Variants in NBAS observed in about 807,000 individuals in gnomAD.
The protein encoded by NBAS is NAG/BC035112 fusion.
A neutral mutation model predicts 302.5 loss-of-function variants in NBAS; 219 were observed. The ratio of observed to expected loss-of-function variants is 0.72; its 90% CI spans 0.65 to 0.81. The LOEUF (loss-of-function observed/expected upper bound fraction) is 0.81. NBAS is among the 30% of genes least tolerant of loss of function. The pLI is 0.00. For synonymous variants in NBAS, 1,118 were observed against 1,021.6 expected (o/e 1.09, Z -1.80); for missense variants, 2,932 against 2,841.6 (o/e 1.03, Z -0.72).
chr2:14,811,667 G>A, the NBAS span, among the ~76,000 whole-genome samples: 1 of 152,016 alleles, frequency 6.6e-6, no homozygotes, highest in Non-Finnish European at 1.5e-5. Flanking sequence ...TAAAATATAT[G>A]GGAAAAATGA....
the NBAS span, among the ~76,000 whole-genome samples, chr2:14,982,965 A>G: frequency 6.6e-6 from 1 of 152,178 alleles, no homozygotes; most frequent in Non-Finnish European, 1.5e-5. Flanking sequence ...CTGTGGAAAG[A>G]GGAACCAGGT....
At chr2:14,869,427 G>A in the NBAS span, among the ~76,000 whole-genome samples, 1 of 152,128 alleles carries the variant, frequency 6.6e-6, no homozygotes, top group Non-Finnish European at 1.5e-5. Flanking sequence ...TACTCATCGT[G>A]GTACCGGATT....
the NBAS span, among the ~76,000 whole-genome samples, chr2:14,814,767 T>G: frequency 6.6e-6 from 1 of 152,250 alleles, no homozygotes; most frequent in Admixed American, 6.5e-5. Context: ...ATGTGAGCAG[T>G]ACATGAAATT....
At chr2:15,076,293 A>C in the NBAS span, among the ~76,000 whole-genome samples, 1 of 152,232 alleles carries the variant, frequency 6.6e-6, no homozygotes, top group African/African-American at 2.4e-5. Flanking sequence ...ACATATCCAC[A>C]ACAACAAAAA....
At chr2:14,844,411 C>T in the NBAS span, among the ~76,000 whole-genome samples, 3 of 152,206 alleles carry the variant, frequency 2.0e-5, no homozygotes, top group African/African-American at 7.2e-5. Flanking sequence ...CCAAGTAGTT[C>T]ATCGAGGGCC....
At chr2:15,464,205 T>C (rs1390076604) in intron 19 of NBAS, among the ~76,000 whole-genome samples, 1 of 152,208 alleles carries the variant, frequency 6.6e-6, no homozygotes, top group African/African-American at 2.4e-5. Context: ...CGCTACTACA[T>C]TTCCCTAAGA....
In NBAS at chr2:15,463,927, A is replaced by G. The variant is rs75834675; in HGVS notation, c.2098-2136T>C. On this transcript the variant is annotated intron_variant, in intron 19 of 51. Transcript: ENST00000281513. Reference sequence around the variant, plus strand: ...AAGTCCTTCTTAGACACACATACCTAAATATTTATGGGTGAAATAAGATAT... The same window carrying G: ...AAGTCCTTCTTAGACACACATACCTGAATATTTATGGGTGAAATAAGATAT... Among the ~76,000 whole-genome samples, 724 of 152,264 alleles carry G rather than the reference A, an allele frequency of 4.8e-3. 8 individuals are homozygous for G. Among genetic ancestry groups the G allele is most frequent in the African/African-American group, 0.016 (673 of 41,564 alleles).
At chr2:14,944,101 C>T in the NBAS span, among the ~76,000 whole-genome samples, 1 of 152,224 alleles carries the variant, frequency 6.6e-6, no homozygotes, top group Non-Finnish European at 1.5e-5. Flanking sequence ...AGATCGAGAC[C>T]ATCCTGGCTA....
chr2:14,844,398 T>A, the NBAS span, among the ~76,000 whole-genome samples: 7 of 152,198 alleles, frequency 4.6e-5, no homozygotes, highest in Admixed American at 2.0e-4. Context: ...TCAGCAGTGA[T>A]ACCCAAGTAG....
chr2:15,411,550 C>T (rs1325726288), intron 25 of NBAS, among the ~76,000 whole-genome samples: 1 of 151,956 alleles, frequency 6.6e-6, no homozygotes, highest in Non-Finnish European at 1.5e-5. Context: ...TTTGAGTTTT[C>T]TAAATATTCT....
chr2:14,919,985 C>T, the NBAS span, among the ~76,000 whole-genome samples: 1 of 152,328 alleles, frequency 6.6e-6, no homozygotes, highest in South Asian at 2.1e-4. Context: ...TTAATGGCAT[C>T]TGGAATGCTG....
chr2:14,790,649 CTTTTTTT>C, the NBAS span, among the ~76,000 whole-genome samples: 2 of 124,414 alleles, frequency 1.6e-5, no homozygotes, highest in African/African-American at 6.4e-5. Flanking sequence ...GAATTCATGC[CTTTTTTT>C]TTTTTTTTTT....
the NBAS span, among the ~76,000 whole-genome samples, chr2:15,046,803 G>T: frequency 6.6e-6 from 1 of 152,104 alleles, no homozygotes; most frequent in Non-Finnish European, 1.5e-5. Context: ...TCTAAGATGG[G>T]GGCCTGGTCT....
intron 38 of NBAS, among the ~76,000 whole-genome samples, chr2:15,318,142 C>A (rs915701704): frequency 6.6e-6 from 1 of 152,186 alleles, no homozygotes; most frequent in African/African-American, 2.4e-5. Flanking sequence ...CATATCCAGA[C>A]AAACCAAGCT....
intron 48 of NBAS, among the ~76,000 whole-genome samples, chr2:15,206,044 T>C (rs747966465): frequency 1.1e-4 from 16 of 152,110 alleles, no homozygotes; most frequent in Admixed American, 3.9e-4. Context: ...TGGAACAGTT[T>C]GGGTTCAGAA....
intron 27 of NBAS, among the ~76,000 whole-genome samples, chr2:15,395,397 T>G (rs1675820924): frequency 6.6e-6 from 1 of 152,116 alleles, no homozygotes; most frequent in South Asian, 2.1e-4. Context: ...GTAGTGGGGA[T>G]GGCAGGCACA....
intron 50 of NBAS, among the ~76,000 whole-genome samples, chr2:15,184,267 C>T (rs1250208026): frequency 6.6e-6 from 1 of 151,984 alleles, no homozygotes; most frequent in African/African-American, 2.4e-5. Flanking sequence ...GAAAATTATT[C>T]CATGGACTAT....
chr2:14,841,546 T>C, the NBAS span, among the ~76,000 whole-genome samples: 1 of 148,696 alleles, frequency 6.7e-6, no homozygotes, highest in African/African-American at 2.4e-5. Flanking sequence ...TCACATAAAA[T>C]AGACTACAAA....
chr2:15,378,800 C>A (rs776887532), intron 30 of NBAS, among the ~76,000 whole-genome samples: 8 of 152,106 alleles, frequency 5.3e-5, no homozygotes, highest in Non-Finnish European at 1.2e-4. Context: ...GGAAGTTGAA[C>A]CGTCTTAAGT....
Sources: gnomAD v4.1 joint callset for allele counts (sites outside exome capture counted in the v4.1 genomes callset) on GRCh38, gnomAD v4.1.1 for gene constraint, MANE v1.5 for transcripts, NCBI Gene and HGNC (gene_info 2026-07-23, HGNC 2026-07-21) for gene names.